The following GLRX3 variants were observed in gnomAD, a reference collection of about 807,000 sequenced individuals.
GLRX3 encodes glutaredoxin 3, also known as glutaredoxin-3.
A neutral mutation model predicts 49.5 loss-of-function variants in GLRX3; 22 were observed. The observed-to-expected ratio is 0.44, with a 90% CI of 0.32 to 0.63. The LOEUF (loss-of-function observed/expected upper bound fraction) is 0.63. Among genes scored for constraint, GLRX3 ranks in the 30% least tolerant of loss-of-function variants. The pLI is 0.05. For missense variants in GLRX3, 385 were observed against 396.3 expected (o/e 0.97, Z 0.24); for synonymous variants, 133 against 140.0 (o/e 0.95, Z 0.35).
At chr10:130,173,973 G>C (rs903235606) in intron 8 of GLRX3, among the ~76,000 whole-genome samples, 2 of 152,074 alleles carry the variant, frequency 1.3e-5, no homozygotes, top group African/African-American at 4.8e-5. Flanking sequence ...GGCCACCTTT[G>C]GGAATTGCAC....
At chr10:130,177,658 C>T (rs1862949655) in intron 10 of GLRX3, among the ~76,000 whole-genome samples, 1 of 152,146 alleles carries the variant, frequency 6.6e-6, no homozygotes, top group Non-Finnish European at 1.5e-5. Context: ...CTGCGTGGTC[C>T]TCTCCGTGCC....
At chr10:130,137,737 G>GT (rs745329967) in intron 1 of GLRX3, among the ~76,000 whole-genome samples, 91 of 152,064 alleles carry the variant, frequency 6.0e-4, no homozygotes, top group Middle Eastern at 3.4e-3. Flanking sequence ...AAAAAGCTTT[G>GT]TTTTGTTTTG....
At chr10:130,166,785 A>G in intron 5 of GLRX3, 106 bp downstream of exon 5, 1 of 943,646 alleles carries the variant, frequency 1.1e-6, no homozygotes, top group Non-Finnish European at 1.7e-6. Context: ...ATCTATATTT[A>G]CTAATAAGAA....
At chr10:130,166,472 G>T in intron 4 of GLRX3, 35 bp from the exon 5 acceptor site, 3 of 1,540,912 alleles carry the variant, frequency 1.9e-6, no homozygotes, top group Non-Finnish European at 2.7e-6. Context: ...TTGGGAGAGA[G>T]AAGTTAAGTG....
intron 2 of GLRX3, among the ~76,000 whole-genome samples, chr10:130,157,373 G>A (rs998149175): frequency 1.3e-5 from 2 of 151,406 alleles, no homozygotes; most frequent in African/African-American, 4.9e-5. Context: ...GGGGGTGTGC[G>A]GAGGAGAGGG....
Position 130,154,373 on chromosome 10 carries a change from C to T in GLRX3, c.202-5622C>T, listed in dbSNP as rs564356033. On this transcript the variant is annotated intron_variant, in intron 2 of 10. Coordinates refer to ENST00000331244, the MANE Select transcript of GLRX3 (RefSeq NM_006541.5). Reference sequence around the variant, plus strand: ...CCAACCAGTCCCAATAAGATGAACCCGGTATCTCAGTTGGAAATGGAGAAG... The same window carrying T: ...CCAACCAGTCCCAATAAGATGAACCTGGTATCTCAGTTGGAAATGGAGAAG... Among the ~76,000 whole-genome samples, 6 of 152,238 alleles carry T rather than the reference C, an allele frequency of 3.9e-5. No individual in the cohort carries two copies. In the South Asian group the frequency reaches 1.0e-3, roughly 26 times the overall value.
intron 2 of GLRX3, among the ~76,000 whole-genome samples, chr10:130,149,441 CA>C (rs57634103): frequency 1.8e-4 from 23 of 128,152 alleles, no homozygotes; most frequent in South Asian, 2.5e-4. Context: ...GACTCCGTCT[CA>C]AAAAAAAAAA....
intron 1 of GLRX3, among the ~76,000 whole-genome samples, chr10:130,144,499 C>T (rs780343515): frequency 2.0e-5 from 3 of 151,998 alleles, no homozygotes; most frequent in Admixed American, 2.0e-4. Context: ...TGATGTTCCC[C>T]TCCCTGTGTC....
chr10:130,174,159 T>C (rs1862869297), intron 8 of GLRX3, among the ~76,000 whole-genome samples: 1 of 152,260 alleles, frequency 6.6e-6, no homozygotes, highest in Admixed American at 6.5e-5. Flanking sequence ...CATTGGCCTT[T>C]TGTACATTAA....
At chr10:130,174,727 A>C (rs1862880364) in intron 8 of GLRX3, 140 bp from the exon 9 acceptor site, 2 of 650,956 alleles carry the variant, frequency 3.1e-6, no homozygotes, top group Admixed American at 5.4e-5. Context: ...TTAAGAAGTA[A>C]AATCATTTCC....
intron 1 of GLRX3, among the ~76,000 whole-genome samples, chr10:130,142,014 C>T (rs1862184290): frequency 6.6e-6 from 1 of 152,190 alleles, no homozygotes. Flanking sequence ...TGAAACAGTG[C>T]TTGATTGAAA....
At chr10:130,143,712 T>C (rs12241046) in intron 1 of GLRX3, among the ~76,000 whole-genome samples, 13,114 of 151,806 alleles carry the variant, frequency 0.086, 918 homozygotes, top group African/African-American at 0.19. Context: ...TTTTTTTTTT[T>C]TTTGAGGCAG....
At chr10:130,156,433 C>T (rs1181090263) in intron 2 of GLRX3, among the ~76,000 whole-genome samples, 1 of 152,202 alleles carries the variant, frequency 6.6e-6, no homozygotes, top group East Asian at 1.9e-4. Flanking sequence ...GGGACATATA[C>T]ATTCAAATCA....
At chr10:130,155,659 A>G (rs1862458038) in intron 2 of GLRX3, among the ~76,000 whole-genome samples, 1 of 152,146 alleles carries the variant, frequency 6.6e-6, no homozygotes, top group South Asian at 2.1e-4. Flanking sequence ...CTCTGAGTGC[A>G]GGTGTTGAGT....
intron 1 of GLRX3, among the ~76,000 whole-genome samples, chr10:130,142,230 C>T (rs752214465): frequency 6.6e-6 from 1 of 152,082 alleles, no homozygotes; most frequent in African/African-American, 2.4e-5. Flanking sequence ...AGTGGTCTTG[C>T]CCTCTGTTTT....
intron 9 of GLRX3, 43 bp from the exon 10 acceptor site, chr10:130,174,954 A>C: frequency 6.4e-7 from 1 of 1,555,948 alleles, no homozygotes; most frequent in Non-Finnish European, 8.9e-7. Context: ...TTTAATCTTA[A>C]GGGCCTGATA....
At chr10:130,169,336 C>G (rs1165555971) in intron 6 of GLRX3, 97 bp from the exon 7 acceptor site, 1 of 763,942 alleles carries the variant, frequency 1.3e-6, no homozygotes, top group East Asian at 2.5e-5. Context: ...AACTGTCATC[C>G]TGCCATCCCT....
chr10:130,174,392 C>G (rs1862874243), intron 8 of GLRX3, among the ~76,000 whole-genome samples: 1 of 152,246 alleles, frequency 6.6e-6, no homozygotes, highest in Non-Finnish European at 1.5e-5. Context: ...TTAATGAAGG[C>G]TCGTGCAGAT....
intron 2 of GLRX3, among the ~76,000 whole-genome samples, chr10:130,153,732 T>TAC (rs1318014080): frequency 1.3e-5 from 2 of 152,070 alleles, no homozygotes; most frequent in African/African-American, 4.8e-5. Context: ...GGGAGGTGTC[T>TAC]CCCAGTGAGG....
Sources: gnomAD v4.1 joint callset for allele counts (sites outside exome capture counted in the v4.1 genomes callset) on GRCh38, gnomAD v4.1.1 for gene constraint, MANE v1.5 for transcripts, NCBI Gene and HGNC (gene_info 2026-07-23, HGNC 2026-07-21) for gene names.